The following FAM174B variants were observed in gnomAD, a reference collection of about 807,000 sequenced individuals.
The protein encoded by FAM174B is membrane protein FAM174B.
A neutral mutation model predicts 10.9 loss-of-function variants in FAM174B; 12 were observed. The ratio of observed to expected loss-of-function variants is 1.10; its 90% confidence interval spans 0.71 to 1.79. FAM174B has a LOEUF of 1.79. Among genes scored for constraint, FAM174B ranks in the 40% most tolerant of loss-of-function variants. FAM174B has a pLI of 0.00. For synonymous variants in FAM174B, 132 were observed against 115.8 expected (o/e 1.14, Z -0.90); for missense variants, 266 against 233.3 (o/e 1.14, Z -0.91).
chr15:92,626,341 G>A (rs1017077329), intron 2 of FAM174B, among the ~76,000 whole-genome samples: 6 of 151,940 alleles, frequency 3.9e-5, no homozygotes, highest in Admixed American at 2.0e-4. Context: ...CTCGTGATCC[G>A]CCCGCCTCGG....
At chr15:92,634,137 G>C (rs1237133696) in intron 1 of FAM174B, among the ~76,000 whole-genome samples, 1 of 152,202 alleles carries the variant, frequency 6.6e-6, no homozygotes, top group African/African-American at 2.4e-5. Flanking sequence ...CAAGCATCTG[G>C]AACGGGAGAA....
chr15:92,644,718 G>A (rs2050914378), intron 1 of FAM174B, among the ~76,000 whole-genome samples: 1 of 152,196 alleles, frequency 6.6e-6, no homozygotes, highest in Non-Finnish European at 1.5e-5. Context: ...GGACTGCTGA[G>A]ACCTAAACAA....
intron 2 of FAM174B, among the ~76,000 whole-genome samples, chr15:92,627,689 G>A (rs1471897224): frequency 6.6e-6 from 1 of 152,214 alleles, no homozygotes; most frequent in Non-Finnish European, 1.5e-5. Context: ...ACCAAAGATT[G>A]ATGAGACGCT....
chr15:92,624,948 G>A (rs762504100), intron 2 of FAM174B, among the ~76,000 whole-genome samples: 1 of 152,060 alleles, frequency 6.6e-6, no homozygotes, highest in Non-Finnish European at 1.5e-5. Flanking sequence ...GTAATAAACC[G>A]GGAATGCAAA....
Position 92,630,298 on chromosome 15 carries a change from GT to G in FAM174B, c.391del (p.Thr131LeufsTer11). On this transcript the variant is annotated frameshift_variant, in exon 2 of 3. Transcript: ENST00000327355. LOFTEE classifies it high-confidence loss of function. ...CGCCATTTCCACTCGCTCTGCTGGAGTGGTGATGATATCATACTTGCGTGTC... is the reference window on the plus strand; with the variant it reads ...CGCCATTTCCACTCGCTCTGCTGGAGGGTGATGATATCATACTTGCGTGTC... ...KKTRKYDIIT[T>X]PAERVEMAPL... The G allele has an allele frequency of 6.2e-7, 1 of 1,613,782 alleles. No individual in the cohort carries two copies. The highest frequency in any genetic ancestry group is 8.5e-7 in the Non-Finnish European group (1 of 1,179,764).
intron 2 of FAM174B, among the ~76,000 whole-genome samples, chr15:92,629,202 C>T (rs1389779368): frequency 1.3e-5 from 2 of 152,214 alleles, no homozygotes; most frequent in African/African-American, 4.8e-5. Context: ...TCCACTTTTA[C>T]TACTAATTGG....
intron 2 of FAM174B, among the ~76,000 whole-genome samples, chr15:92,621,388 A>C (rs2050718440): frequency 6.6e-6 from 1 of 152,134 alleles, no homozygotes; most frequent in Non-Finnish European, 1.5e-5. Flanking sequence ...AAGGCAGGAG[A>C]ATCGCTTGAA....
At chr15:92,643,576 A>T (rs1157615843) in intron 1 of FAM174B, among the ~76,000 whole-genome samples, 1 of 152,218 alleles carries the variant, frequency 6.6e-6, no homozygotes, top group Non-Finnish European at 1.5e-5. Context: ...GTATATAAAT[A>T]CAATTCAATG....
rs200638156 is a variant in FAM174B, at chr15:92,624,897, C to G, written c.476+5317G>C. ...CACGGGAGGAAAAGCCCACATCTGT[C>G]TCTTCCTGGAGGACGCCTAGAGGGT... On this transcript the variant is annotated intron_variant, in intron 2 of 2. Transcript: ENST00000327355. Among the ~76,000 whole-genome samples the G allele has an allele frequency of 1.4e-4, 21 of 152,350 alleles. No homozygotes were observed. In the East Asian group the frequency reaches 3.5e-3, roughly 25 times the overall value.
intron 2 of FAM174B, among the ~76,000 whole-genome samples, chr15:92,620,572 T>C (rs1052851032): frequency 6.6e-6 from 1 of 152,030 alleles, no homozygotes; most frequent in African/African-American, 2.4e-5. Context: ...CCTAGACCTG[T>C]GGGAGGCCAC....
intron 1 of FAM174B, chr15:92,639,129 C>T (rs1397993750): frequency 6.6e-6 from 1 of 152,322 alleles, no homozygotes; most frequent in Non-Finnish European, 1.5e-5. Flanking sequence ...ATGAGCCCTT[C>T]ACACTCCAAC....
At chr15:92,621,891 T>C (rs1287495353) in intron 2 of FAM174B, among the ~76,000 whole-genome samples, 2 of 152,094 alleles carry the variant, frequency 1.3e-5, no homozygotes, top group African/African-American at 4.8e-5. Flanking sequence ...GATTCCACCA[T>C]CAGGCCTTCC....
At position 92,655,669 on chromosome 15, in the gene FAM174B, G is replaced by A. The variant is rs1305511355; in HGVS notation, c.-10C>T. 5.0e-5 allele frequency: 63 copies of A among 1,257,734 alleles called. No individual in the cohort carries two copies. The highest frequency in any genetic ancestry group is 6.2e-5 in the Non-Finnish European group (62 of 1,006,382). 77.9% of individuals were successfully genotyped at this position (1,257,734 alleles called of 1,614,324 possible). A position where few individuals can be genotyped will look rare whatever the true frequency, so the allele number is the denominator to read the frequency against. Reference sequence around the variant, plus strand: ...GCGGCACGGCGCGCATAGTGCGGTGGGTCGGCACAGGATCGGGCAGGGCGC... The same window carrying A: ...GCGGCACGGCGCGCATAGTGCGGTGAGTCGGCACAGGATCGGGCAGGGCGC... On this transcript the variant is annotated 5_prime_UTR_variant, in exon 1 of 3. Transcript: ENST00000327355.
At position 92,619,110 on chromosome 15, in the gene FAM174B, T is replaced by C. The variant is rs995969431; in HGVS notation, c.*346A>G. On this transcript the variant is annotated 3_prime_UTR_variant, in exon 3 of 3. Coordinates refer to ENST00000327355, the MANE Select transcript of FAM174B (RefSeq NM_207446.3). ...TTGATCCTCCTGATCTCTTTTACTA[T>C]TGTCAACAATTGTCTTAAAAAAACT... 8 of 662,246 alleles carry C rather than the reference T, an allele frequency of 1.2e-5. No homozygotes were observed. In the East Asian group the frequency reaches 1.4e-4, roughly 11 times the overall value. The allele number at this position is 662,246 out of a possible 1,614,324, so 41.0% of individuals were successfully genotyped here.
chr15:92,655,769 G>A lies in FAM174B; in HGVS notation c.-110C>T, dbSNP rs1298020871. On this transcript the variant is annotated 5_prime_UTR_variant, in exon 1 of 3. Transcript: ENST00000327355. ...GATCCTGCGGCGGAGGCGGCTGCGC[G>A]GTGCTTGGCAGGAAGCTGCGGCGCC... The A allele has an allele frequency of 5.0e-6, 5 of 1,007,722 alleles. No individual in the cohort carries two copies. In the East Asian group the frequency reaches 1.7e-4, roughly 33 times the overall value. 62.4% of individuals were successfully genotyped at this position (1,007,722 alleles called of 1,614,324 possible).
At chr15:92,633,027 C>T (rs1487739381) in intron 1 of FAM174B, among the ~76,000 whole-genome samples, 1 of 152,204 alleles carries the variant, frequency 6.6e-6, no homozygotes, top group Non-Finnish European at 1.5e-5. Flanking sequence ...TGTTCCTCCA[C>T]TCTCTTGAAC....
At chr15:92,648,646 TG>T (rs1178683448) in intron 1 of FAM174B, among the ~76,000 whole-genome samples, 10 of 151,930 alleles carry the variant, frequency 6.6e-5, no homozygotes, top group Non-Finnish European at 1.5e-4. Context: ...GTACAATGAG[TG>T]TAGGGAGGTA....
chr15:92,630,758 T>C lies in FAM174B; in HGVS notation c.345-413A>G, dbSNP rs1188516315. Among the ~76,000 whole-genome samples, 5 of 7,684 alleles carry C rather than the reference T, an allele frequency of 6.5e-4. 2 individuals are homozygous for C. The highest frequency in any genetic ancestry group is 0.033 in the South Asian group (1 of 30). The allele number at this position is 7,684 out of a possible 152,430, so 5.0% of individuals were successfully genotyped here. On this transcript the variant is annotated intron_variant, in intron 1 of 2. Coordinates refer to ENST00000327355, the MANE Select transcript of FAM174B (RefSeq NM_207446.3). ...ATTATATATTTTTTATATTATATAATAATATATAATAATAATATATTTTAT... is the reference window on the plus strand; with the variant it reads ...ATTATATATTTTTTATATTATATAACAATATATAATAATAATATATTTTAT...
chr15:92,630,838 T>TATTACATGTTAC, intron 1 of FAM174B, among the ~76,000 whole-genome samples: 1 of 51,730 alleles, frequency 1.9e-5, no homozygotes, highest in African/African-American at 4.2e-5. Flanking sequence ...ATATATTATA[T>TATTACATGTTAC]ATATTACATA....
Sources: allele counts gnomAD v4.1 joint callset (sites outside exome capture counted in the v4.1 genomes callset), GRCh38; gene constraint gnomAD v4.1.1; transcripts MANE v1.5; gene names NCBI Gene and HGNC (gene_info 2026-07-23, HGNC 2026-07-21).